Variants in BABAM2 observed in about 807,000 individuals in gnomAD.
BABAM2 encodes BRISC and BRCA1-A complex member 2.
BABAM2 carries 31 observed loss-of-function variants against 54.7 expected under a neutral mutation model. That is an observed-to-expected ratio of 0.57 (90% confidence interval 0.43 to 0.77). BABAM2 has a LOEUF of 0.77. BABAM2 is among the 30% of genes least tolerant of loss of function. The pLI, the probability that BABAM2 is intolerant of heterozygous loss-of-function variation, is 0.00. For missense variants in BABAM2, 364 were observed against 455.8 expected, an observed-to-expected ratio of 0.80 and a Z score of 1.83; for synonymous variants, 167 against 162.9, an observed-to-expected ratio of 1.03 and a Z score of -0.19.
At chr2:28,004,759 A>C (rs1673836747) in intron 4 of BABAM2, among the ~76,000 whole-genome samples, 1 of 151,660 alleles carries the variant, frequency 6.6e-6, no homozygotes, top group Non-Finnish European at 1.5e-5. Context: ...GCACAATCAC[A>C]GCTCACTGCT....
In BABAM2 at chr2:28,309,909, G is replaced by T. The variant is rs981192146; in HGVS notation, c.1088+11418G>T. ...GGAATTGGGGACTGAGGTCACCAAG[G>T]CCTTCCATTCCGCACGAGCAAGCTC... On this transcript the variant is annotated intron_variant, in intron 11 of 11. Coordinates refer to ENST00000379624, the MANE Select transcript of BABAM2 (RefSeq NM_199191.3). 1.1e-5 allele frequency: 7 copies of T among 615,310 alleles called. No individual in the cohort carries two copies. The East Asian group carries it at 2.0e-4, about 17-fold the overall frequency. 38.1% of individuals were successfully genotyped at this position (615,310 alleles called of 1,614,324 possible). A position where few individuals can be genotyped will look rare whatever the true frequency, so the allele number is the denominator to read the frequency against.
At chr2:28,270,646 G>A (rs1293605060) in intron 10 of BABAM2, among the ~76,000 whole-genome samples, 1 of 152,138 alleles carries the variant, frequency 6.6e-6, no homozygotes, top group Non-Finnish European at 1.5e-5. Flanking sequence ...CACCCAGATG[G>A]CATGACTATT....
At chr2:27,897,391 A>G (rs1415595468) in intron 2 of BABAM2, among the ~76,000 whole-genome samples, 1 of 152,142 alleles carries the variant, frequency 6.6e-6, no homozygotes. Flanking sequence ...AACATCTGAT[A>G]TTATCTTCAA....
intron 4 of BABAM2, among the ~76,000 whole-genome samples, chr2:28,001,564 T>C (rs557570226): frequency 5.8e-4 from 88 of 152,318 alleles, no homozygotes; most frequent in African/African-American, 2.1e-3. Context: ...CTTGTGTTGC[T>C]ATTAAATAGT....
chr2:28,096,851 C>T (rs890536515), intron 6 of BABAM2, among the ~76,000 whole-genome samples: 6 of 151,370 alleles, frequency 4.0e-5, no homozygotes, highest in Non-Finnish European at 8.8e-5. Flanking sequence ...TGAACTAATT[C>T]CCCAGAGTAG....
At chr2:28,097,896 C>T (rs964399110) in intron 6 of BABAM2, among the ~76,000 whole-genome samples, 6 of 152,304 alleles carry the variant, frequency 3.9e-5, no homozygotes, top group Non-Finnish European at 7.3e-5. Flanking sequence ...TCTGGCTTGT[C>T]GTGTCCACCC....
chr2:27,908,706 A>G (rs1666366039), intron 2 of BABAM2, among the ~76,000 whole-genome samples: 1 of 152,060 alleles, frequency 6.6e-6, no homozygotes, highest in East Asian at 1.9e-4. Flanking sequence ...AACATGCAGT[A>G]TTTGATTTTT....
intron 4 of BABAM2, among the ~76,000 whole-genome samples, chr2:27,990,997 G>C (rs993282057): frequency 6.6e-6 from 1 of 151,902 alleles, no homozygotes; most frequent in Non-Finnish European, 1.5e-5. Flanking sequence ...GTTCCATTAA[G>C]GAACTTGAGA....
chr2:28,154,209 T>C (rs1326594509), intron 7 of BABAM2, among the ~76,000 whole-genome samples: 1 of 152,218 alleles, frequency 6.6e-6, no homozygotes, highest in African/African-American at 2.4e-5. Context: ...TTTGTACTTC[T>C]CAAGTGTCTT....
chr2:27,965,194 C>T (rs1347716977), intron 3 of BABAM2, among the ~76,000 whole-genome samples: 1 of 152,048 alleles, frequency 6.6e-6, no homozygotes, highest in Non-Finnish European at 1.5e-5. Flanking sequence ...TTTCTGGCTG[C>T]CTTCATTATA....
chr2:28,289,578 C>T (rs1687105953), intron 10 of BABAM2, among the ~76,000 whole-genome samples: 1 of 152,144 alleles, frequency 6.6e-6, no homozygotes, highest in African/African-American at 2.4e-5. Flanking sequence ...CACCTGAGGT[C>T]AGAAGTTCAA....
At chr2:27,918,900 G>C (rs1162181698) in intron 2 of BABAM2, among the ~76,000 whole-genome samples, 3 of 152,032 alleles carry the variant, frequency 2.0e-5, no homozygotes, top group Non-Finnish European at 4.4e-5. Context: ...ATGTTGCCCA[G>C]GCTGGTCTTA....
intron 7 of BABAM2, among the ~76,000 whole-genome samples, chr2:28,159,824 C>T (rs1330829877): frequency 4.0e-5 from 6 of 150,512 alleles, no homozygotes; most frequent in Non-Finnish European, 5.9e-5. Context: ...GGTTGTGAGT[C>T]GAGATTGCAC....
chr2:28,259,290 G>A (rs1338039834), intron 10 of BABAM2, among the ~76,000 whole-genome samples: 1 of 151,326 alleles, frequency 6.6e-6, no homozygotes, highest in Non-Finnish European at 1.5e-5. Context: ...GTTTCACCAT[G>A]TTGGCCAGGA....
At chr2:27,935,919 T>G (rs1357033270) in intron 3 of BABAM2, among the ~76,000 whole-genome samples, 1 of 152,138 alleles carries the variant, frequency 6.6e-6, no homozygotes, top group Non-Finnish European at 1.5e-5. Flanking sequence ...TATTTTTATT[T>G]TTTGGTATTT....
At chr2:28,088,326 T>G (rs1014871616) in intron 6 of BABAM2, among the ~76,000 whole-genome samples, 1 of 152,216 alleles carries the variant, frequency 6.6e-6, no homozygotes, top group Non-Finnish European at 1.5e-5. Context: ...ATGTTTAGAA[T>G]CCTAAATGAC....
chr2:28,105,060 G>T (rs1667395750), intron 6 of BABAM2, among the ~76,000 whole-genome samples: 1 of 151,794 alleles, frequency 6.6e-6, no homozygotes, highest in Non-Finnish European at 1.5e-5. Flanking sequence ...GATGGGGGAG[G>T]GATAGCATTA....
chr2:28,228,658 GA>G (rs532907172), intron 7 of BABAM2, among the ~76,000 whole-genome samples: 36 of 148,504 alleles, frequency 2.4e-4, no homozygotes, highest in African/African-American at 6.4e-4. Flanking sequence ...TGCAACAAGA[GA>G]AAAAAAAAAC....
In BABAM2 at chr2:28,329,891, T is replaced by A. The variant is rs1333681433; in HGVS notation, c.1089-8559T>A. Among the ~76,000 whole-genome samples, 1 of 152,186 alleles carries A rather than the reference T, an allele frequency of 6.6e-6. No individual in the cohort carries two copies. The highest frequency in any genetic ancestry group is 1.5e-5 in the Non-Finnish European group (1 of 68,040). On this transcript the variant is annotated intron_variant, in intron 11 of 11. Transcript: ENST00000379624. The surrounding 1 kb of genome is among the most constrained non-coding windows in gnomAD (Gnocchi z 4.2). The stretch of plus-strand genomic sequence containing the variant: ...AGAGATACAACAAAAAAAGAAAATG[T>A]CAGGCCAATACTCCTGATGAACATC...
Sources: allele counts gnomAD v4.1 joint callset (sites outside exome capture counted in the v4.1 genomes callset), GRCh38; gene constraint gnomAD v4.1.1; non-coding constraint Gnocchi (gnomAD v3.1); transcripts MANE v1.5; gene names NCBI Gene and HGNC (gene_info 2026-07-23, HGNC 2026-07-21).